The following RIN2 variants were observed in gnomAD, a reference collection of about 807,000 sequenced individuals.
RIN2 encodes the protein Ras and Rab interactor 2.
In RIN2, 36 loss-of-function variants were observed where a neutral mutation model predicts 78.0. The ratio of observed to expected loss-of-function variants is 0.46; its 90% confidence interval spans 0.35 to 0.61. The LOEUF is 0.61. RIN2 is among the 20% of genes least tolerant of loss of function. The pLI is 0.00. For missense variants in RIN2, 1,087 were observed against 1,159.7 expected, an observed-to-expected ratio of 0.94 and a Z score of 0.91; for synonymous variants, 466 against 466.8, an observed-to-expected ratio of 1.00 and a Z score of 0.02.
intron 2 of RIN2, among the ~76,000 whole-genome samples, chr20:19,803,488 G>A (rs1424419550): frequency 6.6e-6 from 1 of 152,140 alleles, no homozygotes; most frequent in Non-Finnish European, 1.5e-5. Flanking sequence ...ACAAGCAATG[G>A]GGAAAGGATT....
At chr20:19,777,205 A>T (rs767577256) in intron 1 of RIN2, among the ~76,000 whole-genome samples, 8 of 152,210 alleles carry the variant, frequency 5.3e-5, no homozygotes, top group Non-Finnish European at 1.0e-4. Flanking sequence ...CAAAGAACAC[A>T]GGGAAGGGCA....
chr20:19,945,285 T>TATG (rs1673887288), intron 4 of RIN2, among the ~76,000 whole-genome samples: 1 of 152,138 alleles, frequency 6.6e-6, no homozygotes, highest in Non-Finnish European at 1.5e-5. Context: ...CCATTGAAAC[T>TATG]ATGACATGCC....
At chr20:19,904,964 A>G (rs2039154527) in intron 3 of RIN2, among the ~76,000 whole-genome samples, 1 of 152,098 alleles carries the variant, frequency 6.6e-6, no homozygotes, top group Non-Finnish European at 1.5e-5. Context: ...AGCTCTCTCA[A>G]ATTGAGGTAG....
chr20:19,867,008 A>AT lies in RIN2; in HGVS notation c.-36-22547dup, dbSNP rs11468347. On this transcript the variant is annotated intron_variant, in intron 2 of 12. Transcript: ENST00000255006. Reference sequence around the variant, plus strand: ...ATCACTAAGAATCTTGTTTATTTTTATTTTTTTTTTTGTTTAATGGAATGC... The same window carrying AT: ...ATCACTAAGAATCTTGTTTATTTTTATTTTTTTTTTTTGTTTAATGGAATGC... 2.0e-3 allele frequency among the ~76,000 whole-genome samples: 304 copies of AT among 151,108 alleles called. 1 individual carries two copies. Among genetic ancestry groups the AT allele is most frequent in the South Asian group, 4.0e-3 (19 of 4,782 alleles).
chr20:19,813,290 G>A (rs2035660659), intron 2 of RIN2, among the ~76,000 whole-genome samples: 1 of 152,212 alleles, frequency 6.6e-6, no homozygotes, highest in Non-Finnish European at 1.5e-5. Context: ...AGAAATATGA[G>A]GTGGAAAAGA....
At chr20:19,983,483 A>G (rs2042524225) in intron 9 of RIN2, among the ~76,000 whole-genome samples, 1 of 152,170 alleles carries the variant, frequency 6.6e-6, no homozygotes, top group South Asian at 2.1e-4. Flanking sequence ...GCTCAAATAA[A>G]TGCCCAATAA....
intron 3 of RIN2, among the ~76,000 whole-genome samples, chr20:19,930,239 G>T (rs1360789730): frequency 6.6e-6 from 1 of 152,116 alleles, no homozygotes; most frequent in Non-Finnish European, 1.5e-5. Flanking sequence ...AGAGATAGGT[G>T]GCATGGCAAT....
In RIN2 at chr20:19,998,006, C is replaced by T. The variant is rs570681495; in HGVS notation, c.2364+1164C>T. 4.0e-5 allele frequency among the ~76,000 whole-genome samples: 6 copies of T among 149,926 alleles called. No homozygotes were observed. In the South Asian group the frequency reaches 6.4e-4, roughly 16 times the overall value. ...TTTTTTTTTTCTTAAGACAGAGTCT[C>T]GCTCTGTCACCCAGGCTGGAGTGCA... is the stretch of plus-strand genomic sequence containing the variant. On this transcript the variant is annotated intron_variant, in intron 12 of 12. Coordinates refer to ENST00000255006, the MANE Select transcript of RIN2 (RefSeq NM_018993.4).
chr20:19,948,404 A>G (rs531177341), intron 4 of RIN2, among the ~76,000 whole-genome samples: 1 of 152,100 alleles, frequency 6.6e-6, no homozygotes, highest in Non-Finnish European at 1.5e-5. Flanking sequence ...ACATATACAT[A>G]TTTTTTTGGA....
chr20:19,824,587 C>T (rs1168275497), intron 2 of RIN2, among the ~76,000 whole-genome samples: 8 of 152,042 alleles, frequency 5.3e-5, no homozygotes. Flanking sequence ...CTAAAGGGGG[C>T]TTCCAGAATA....
At chr20:19,823,413 A>T in intron 2 of RIN2, 1 of 698,976 alleles carries the variant, frequency 1.4e-6, no homozygotes, top group Non-Finnish European at 2.5e-6. Flanking sequence ...TTTTTTGTCA[A>T]ATGATCCTTT....
intron 9 of RIN2, among the ~76,000 whole-genome samples, chr20:19,987,815 C>A (rs1327728439): frequency 6.6e-6 from 1 of 152,132 alleles, no homozygotes; most frequent in African/African-American, 2.4e-5. Flanking sequence ...TACTTTATAA[C>A]CTCCTTCGCA....
intron 4 of RIN2, chr20:19,935,460 C>G: frequency 8.1e-7 from 1 of 1,242,160 alleles, no homozygotes; most frequent in African/African-American, 1.5e-5. Flanking sequence ...CTAAAATTGT[C>G]TGTGCCATAT....
chr20:19,773,706 A>G (rs2034214619), intron 1 of RIN2, among the ~76,000 whole-genome samples: 1 of 151,918 alleles, frequency 6.6e-6, no homozygotes, highest in African/African-American at 2.4e-5. Flanking sequence ...CTTTGGAGGT[A>G]TTGATGCTTA....
chr20:19,958,690 G>A (rs1568662656), intron 5 of RIN2, among the ~76,000 whole-genome samples: 1 of 152,136 alleles, frequency 6.6e-6, no homozygotes, highest in Non-Finnish European at 1.5e-5. Flanking sequence ...CCAACATGGC[G>A]AAACCCCGTC....
At position 19,960,775 on chromosome 20, in the gene RIN2, C is replaced by A; in HGVS notation, c.427C>A (p.Pro143Thr). The A allele has an allele frequency of 1.2e-6, 2 of 1,602,012 alleles. No homozygotes were observed. The highest frequency in any genetic ancestry group is 1.1e-5 in the South Asian group (1 of 88,144). Reference sequence around the variant, plus strand: ...CCGCCTGCCCTGTGAATTTGGGGCCCCACTCAAGGAATTTGCCATAAAGGA... The same window carrying A: ...CCGCCTGCCCTGTGAATTTGGGGCCACACTCAAGGAATTTGCCATAAAGGA... Reference protein sequence around the residue: ...SLRLPCEFGAPLKEFAIKEST... With the variant: ...SLRLPCEFGATLKEFAIKEST... Residue 143 changes from proline (P) to threonine (T), a missense_variant, in exon 6 of 13, where the codon CCA (proline) becomes ACA (threonine). Pro to Thr is a conservative substitution (Grantham distance 38, BLOSUM62 -1). Transcript: ENST00000255006.
intron 1 of RIN2, among the ~76,000 whole-genome samples, chr20:19,776,843 T>G (rs2034329478): frequency 6.6e-6 from 1 of 152,108 alleles, no homozygotes; most frequent in Non-Finnish European, 1.5e-5. Context: ...ACATCTTACA[T>G]GTATTGATTA....
intron 3 of RIN2, among the ~76,000 whole-genome samples, chr20:19,922,927 C>A (rs1321119069): frequency 6.6e-6 from 1 of 152,232 alleles, no homozygotes; most frequent in African/African-American, 2.4e-5. Flanking sequence ...ACTACAGATG[C>A]TCGCCTGCTG....
At chr20:19,907,939 A>G (rs913117445) in intron 3 of RIN2, among the ~76,000 whole-genome samples, 1 of 152,138 alleles carries the variant, frequency 6.6e-6, no homozygotes, top group Non-Finnish European at 1.5e-5. Flanking sequence ...TGCTAAGACG[A>G]TGGAGGATTA....
Sources: allele counts gnomAD v4.1 joint callset (sites outside exome capture counted in the v4.1 genomes callset), GRCh38; gene constraint gnomAD v4.1.1; transcripts MANE v1.5; gene names NCBI Gene and HGNC (gene_info 2026-07-23, HGNC 2026-07-21).